LRRC73: variants seen among roughly 807,000 people sequenced by gnomAD.
The protein encoded by LRRC73 is leucine rich repeat containing 73.
LRRC73 carries 16 observed loss-of-function variants against 26.4 expected under a neutral mutation model. The observed-to-expected ratio is 0.61, with a 90% CI of 0.41 to 0.92. LRRC73 has a LOEUF of 0.92. Ranked by LOEUF, LRRC73 falls within the 40% of genes least tolerant of loss-of-function variation. LRRC73 has a pLI of 0.00. For synonymous variants in LRRC73, 210 were observed against 179.8 expected, an observed-to-expected ratio of 1.17 and a Z score of -1.34; for missense variants, 344 against 416.3, an observed-to-expected ratio of 0.83 and a Z score of 1.51.
chr6:43,509,048 G>A, intron 1 of LRRC73, 128 bp from the exon 2 acceptor site: 1 of 984,956 alleles, frequency 1.0e-6, no homozygotes, highest in Non-Finnish European at 1.4e-6. Flanking sequence ...GCCTGGAAAA[G>A]GAGAAGGAAA....
chr6:43,508,735 A>T (rs1481920228), intron 2 of LRRC73, 25 bp downstream of exon 2: 1 of 1,579,278 alleles, frequency 6.3e-7, no homozygotes, highest in South Asian at 1.1e-5. Flanking sequence ...ACACTAGCCC[A>T]AGCCCTCAAC....
chr6:43,507,595 C>G, exon 5 of LRRC73: 2 of 1,614,110 alleles, frequency 1.2e-6, no homozygotes, highest in Non-Finnish European at 1.7e-6. Flanking sequence ...AGATCTGTTG[C>G]TGCAGCTCTG....
chr6:43,506,989 C>G, exon 6 of LRRC73: 1 of 525,064 alleles, frequency 1.9e-6, no homozygotes, highest in Non-Finnish European at 3.4e-6. Flanking sequence ...AAATCTTTTC[C>G]GAGCCAGCGG....
Position 43,508,426 on chromosome 6 carries a change from C to CA in LRRC73, c.434-7dup. On this transcript the variant is annotated splice_polypyrimidine_tract_variant and splice_region_variant and intron_variant, in intron 2 of 5. Transcript: ENST00000372441. ...CAGCGTTAGCTCCTTCAAGCCTGGG[C>CA]AGCATCATAGCAAGAAACCAGAATA... is the stretch of plus-strand genomic sequence containing the variant. The CA allele has an allele frequency of 6.2e-7, 1 of 1,613,502 alleles. No individual in the cohort carries two copies. Among genetic ancestry groups the CA allele is most frequent in the Non-Finnish European group, 8.5e-7 (1 of 1,179,922 alleles).
rs1051474865 is a variant in LRRC73, at chr6:43,508,278, G to C, written c.556+20C>G. ...GGGCATGAGGCAGTGACAGCCCAAG[G>C]GGGTATTCTTGAGCCTCACCCAGGG... On this transcript the variant is annotated intron_variant, in intron 3 of 5. Transcript: ENST00000372441. 6.2e-7 allele frequency: 1 copy of C among 1,602,022 alleles called. No individual in the cohort carries two copies. The highest frequency in any genetic ancestry group is 1.1e-5 in the South Asian group (1 of 89,302).
chr6:43,508,621 C>T (rs540980146), intron 2 of LRRC73, 139 bp downstream of exon 2: 13 of 1,396,618 alleles, frequency 9.3e-6, no homozygotes, highest in South Asian at 2.7e-5. Context: ...TGCTGCCCCC[C>T]GTCCTGCCCC....
chr6:43,508,709 G>T, intron 2 of LRRC73, 51 bp downstream of exon 2: 1 of 1,547,162 alleles, frequency 6.5e-7, no homozygotes, highest in Non-Finnish European at 8.7e-7. Context: ...TCTGCATTTC[G>T]ATTTTCATCA....
chr6:43,507,168 A>T, exon 6 of LRRC73: 1 of 1,539,838 alleles, frequency 6.5e-7, no homozygotes, highest in Non-Finnish European at 8.9e-7. Flanking sequence ...CCAGGGCCTG[A>T]CCCTGATATC....
At chr6:43,509,617 A>T (rs757012198) in exon 1 of LRRC73, 1 of 1,605,536 alleles carries the variant, frequency 6.2e-7, no homozygotes, top group Non-Finnish European at 8.5e-7. Context: ...TGCGCCAGGG[A>T]CGTGGCCCCG....
At chr6:43,507,534 C>G (rs75528024) in exon 5 of LRRC73, 5 of 1,613,690 alleles carry the variant, frequency 3.1e-6, no homozygotes, top group Non-Finnish European at 4.2e-6. Context: ...TGGGTGTCGC[C>G]AGCCCCTCCT....
chr6:43,507,882 G>T, exon 4 of LRRC73: 1 of 1,613,844 alleles, frequency 6.2e-7, no homozygotes, highest in South Asian at 1.1e-5. Flanking sequence ...TCTAGGGTAC[G>T]ACTAGAGGCC....
At chr6:43,510,094 G>A in exon 1 of LRRC73, 1 of 226,442 alleles carries the variant, frequency 4.4e-6, no homozygotes, top group Non-Finnish European at 8.5e-6. Flanking sequence ...GCGTTGGGGC[G>A]GGTGCGCGTT....
chr6:43,510,039 TGGGGCGGCGCTGGGGCG>T (rs1561850810), exon 1 of LRRC73: 3 of 262,942 alleles, frequency 1.1e-5, no homozygotes, highest in Non-Finnish European at 2.1e-5. Flanking sequence ...CGGGCTGAAG[TGGGGCGGCGCTGGGGCG>T]GGGGCGGCCC....
chr6:43,508,494 T>A (rs75441145), intron 2 of LRRC73, 74 bp from the exon 3 acceptor site: 40,828 of 1,600,440 alleles, frequency 0.026, 626 homozygotes, highest in South Asian at 0.035. Flanking sequence ...ACAATCCCTG[T>A]GTCTCTGGGG....
chr6:43,509,713 G>A (rs1356607828), exon 1 of LRRC73: 1 of 1,591,368 alleles, frequency 6.3e-7, no homozygotes, highest in Non-Finnish European at 8.5e-7. Flanking sequence ...TTGTCGCGAA[G>A]GCCGCGGCAG....
exon 1 of LRRC73, chr6:43,509,656 C>T (rs771382576): frequency 1.3e-6 from 2 of 1,597,632 alleles, no homozygotes; most frequent in South Asian, 1.1e-5. Flanking sequence ...CGGCCAAAGT[C>T]GCGGTCGCAG....
intron 5 of LRRC73, 71 bp downstream of exon 5, chr6:43,507,385 T>C: frequency 6.2e-7 from 1 of 1,608,834 alleles, no homozygotes; most frequent in Non-Finnish European, 8.5e-7. Context: ...GAGCCTAGGT[T>C]CTGCACACCC....
chr6:43,509,853 G>T, exon 1 of LRRC73: 1 of 1,368,990 alleles, frequency 7.3e-7, no homozygotes, highest in East Asian at 2.9e-5. Flanking sequence ...GGCGGGGCCG[G>T]GGATAGGGCC....
Position 43,507,263 on chromosome 6 carries a change from C to T in LRRC73, c.926G>A (p.Ser309Asn). 2 of 1,613,994 alleles carry T rather than the reference C, an allele frequency of 1.2e-6. No individual in the cohort carries two copies. The highest frequency in any genetic ancestry group is 1.7e-6 in the Non-Finnish European group (2 of 1,180,028). ...TCACATCTCGGTCTCAGCCAACAGA[C>T]TGTCCCCTAGTCCTGACGTCATTAG... The change falls in exon 6 of 6, where the codon AGT (serine) becomes AAT (asparagine). Residue 309 changes from serine (S) to asparagine (N), a missense_variant. By Grantham distance (46) the Ser-to-Asn change is conservative (BLOSUM62 1). Coordinates refer to ENST00000372441, the Ensembl canonical transcript of LRRC73.
Sources: gnomAD v4.1 joint callset for allele counts on GRCh38, gnomAD v4.1.1 for gene constraint, MANE v1.5 for transcripts, NCBI Gene and HGNC (gene_info 2026-07-23, HGNC 2026-07-21) for gene names.